PLAC1: variants seen among roughly 807,000 people sequenced by gnomAD.
The protein encoded by PLAC1 is placenta-specific protein 1.
For synonymous variants in PLAC1, 68 were observed against 62.1 expected, an observed-to-expected ratio of 1.09 and a Z score of -0.44; for missense variants, 136 against 163.2, an observed-to-expected ratio of 0.83 and a Z score of 0.91.
intron 1 of PLAC1, among the ~76,000 whole-genome samples, chrX:134,622,090 A>T (rs1207883178): frequency 1.8e-5 from 2 of 112,294 alleles, no homozygotes; most frequent in Non-Finnish European, 3.8e-5. Context: ...CCCTCCAGTC[A>T]GGGAAGGCAT....
intron 1 of PLAC1, among the ~76,000 whole-genome samples, chrX:134,639,060 G>T (rs2078296413): frequency 9.0e-6 from 1 of 111,517 alleles, no homozygotes; most frequent in African/African-American, 3.3e-5. Flanking sequence ...GCCTGTGTTA[G>T]TTCACTTAGG....
intron 1 of PLAC1, among the ~76,000 whole-genome samples, chrX:134,603,234 A>G (rs1478866230): frequency 4.1e-5 from 3 of 72,638 alleles, no homozygotes; most frequent in African/African-American, 1.5e-4. Flanking sequence ...AGTGGGGCAG[A>G]GAACTGTTGT....
intron 2 of PLAC1, among the ~76,000 whole-genome samples, chrX:134,691,113 T>C (rs1201144355): frequency 6.2e-4 from 37 of 59,746 alleles, no homozygotes; most frequent in Non-Finnish European, 1.7e-3. Context: ...TGTTTCTTTT[T>C]TCTTTTTTTT....
intron 1 of PLAC1, among the ~76,000 whole-genome samples, chrX:134,640,683 G>T (rs2078303614): frequency 8.9e-6 from 1 of 111,919 alleles, no homozygotes; most frequent in Non-Finnish European, 1.9e-5. Flanking sequence ...TTCCAAATGT[G>T]GACACTGTGT....
At chrX:134,570,294 G>A (rs983858437) in intron 2 of PLAC1, among the ~76,000 whole-genome samples, 11 of 111,541 alleles carry the variant, frequency 9.9e-5, no homozygotes, top group Non-Finnish European at 1.5e-4. Context: ...AGGCTGAGGG[G>A]TTAGAGATGG....
chrX:134,620,047 A>C (rs1265276146), intron 1 of PLAC1, among the ~76,000 whole-genome samples: 1 of 112,241 alleles, frequency 8.9e-6, no homozygotes, highest in Non-Finnish European at 1.9e-5. Context: ...AGACTATATG[A>C]CTTTATTAAA....
At chrX:134,732,724 G>A (rs1478442291) in intron 2 of PLAC1, among the ~76,000 whole-genome samples, 2 of 112,294 alleles carry the variant, frequency 1.8e-5, no homozygotes, top group Non-Finnish European at 3.8e-5. Context: ...AGCCTCCTGA[G>A]TCAGGAACGG....
chrX:134,572,798 C>T (rs2077915964), intron 2 of PLAC1, among the ~76,000 whole-genome samples: 1 of 110,235 alleles, frequency 9.1e-6, no homozygotes, highest in South Asian at 4.0e-4. Context: ...TCAAAATTAT[C>T]TCGGGGGAAA....
chrX:134,663,762 T>C lies in PLAC1; in HGVS notation n.175-61640A>G, dbSNP rs183399570. On this transcript the variant is annotated intron_variant and non_coding_transcript_variant, in intron 2 of 2. Coordinates refer to the PLAC1 transcript ENST00000466797. ...AGGAAAAGATAACATTTCACTTTGGTGACAAATTTGTTGATTTTACAGATA... is the reference window on the plus strand; with the variant it reads ...AGGAAAAGATAACATTTCACTTTGGCGACAAATTTGTTGATTTTACAGATA... Among the ~76,000 whole-genome samples the C allele has an allele frequency of 1.1e-4, 12 of 112,595 alleles. No homozygotes were observed. The East Asian group carries it at 3.1e-3, about 29-fold the overall frequency.
At chrX:134,752,171 C>T (rs756052503) in intron 1 of PLAC1, among the ~76,000 whole-genome samples, 1 of 112,376 alleles carries the variant, frequency 8.9e-6, no homozygotes, top group South Asian at 3.7e-4. Flanking sequence ...AATTCTGCTA[C>T]AGTCTTTTCT....
intron 1 of PLAC1, among the ~76,000 whole-genome samples, chrX:134,636,010 T>C (rs1394568265): frequency 1.8e-5 from 2 of 112,342 alleles, no homozygotes; most frequent in Non-Finnish European, 3.8e-5. Flanking sequence ...GTGCCTTCGA[T>C]AATGACACTA....
At chrX:134,620,959 A>T (rs2078207502) in intron 1 of PLAC1, among the ~76,000 whole-genome samples, 1 of 111,818 alleles carries the variant, frequency 8.9e-6, no homozygotes, top group African/African-American at 3.3e-5. Flanking sequence ...AATCAGAAAC[A>T]GGCTTAGAAA....
chrX:134,566,106 G>T lies in PLAC1; in HGVS notation c.577C>A (p.His193Asn), dbSNP rs1226046604. The stretch of plus-strand genomic sequence containing the variant: ...CAATCCTCAGAAATATCAAGAAAGT[G>T]AGATGGCTGCAGAGGTTGAGCCTCC... ...AQEAQPLQPS[H>N]FLDISEDWSL... Residue 193 changes from histidine to asparagine, a missense_variant, in exon 3 of 3, where the codon CAC (histidine) becomes AAC (asparagine). Coordinates refer to ENST00000359237, the MANE Select transcript of PLAC1 (RefSeq NM_021796.4). 1 of 1,209,346 alleles carries T rather than the reference G, an allele frequency of 8.3e-7. No homozygotes were observed.
At chrX:134,595,847 A>C (rs372026034) in intron 2 of PLAC1, among the ~76,000 whole-genome samples, 13 of 110,126 alleles carry the variant, frequency 1.2e-4, no homozygotes, top group African/African-American at 4.3e-4. Flanking sequence ...TGGTGTATTT[A>C]GACCTTATAT....
At chrX:134,589,509 T>C (rs1214082590) in intron 2 of PLAC1, among the ~76,000 whole-genome samples, 2 of 109,341 alleles carry the variant, frequency 1.8e-5, no homozygotes, top group East Asian at 2.9e-4. Context: ...AGTGGATCAC[T>C]TGAGGTCACG....
chrX:134,645,531 T>C (rs920598292), intron 1 of PLAC1, among the ~76,000 whole-genome samples: 8 of 111,481 alleles, frequency 7.2e-5, no homozygotes, highest in Non-Finnish European at 1.1e-4. Context: ...TTCTCTTCCT[T>C]TTGTTTGGCT....
intron 2 of PLAC1, among the ~76,000 whole-genome samples, chrX:134,584,320 G>T (rs1397187348): frequency 2.7e-5 from 3 of 111,964 alleles, no homozygotes; most frequent in South Asian, 7.5e-4. Flanking sequence ...CCAGCAAGGG[G>T]TATCCAGATA....
chrX:134,606,588 C>T (rs1444237595), intron 1 of PLAC1, among the ~76,000 whole-genome samples: 1 of 111,754 alleles, frequency 8.9e-6, no homozygotes, highest in Non-Finnish European at 1.9e-5. Context: ...TGTAAATTAG[C>T]ACAACTTAAG....
intron 1 of PLAC1, among the ~76,000 whole-genome samples, chrX:134,749,364 G>A (rs1473419930): frequency 8.9e-6 from 1 of 111,763 alleles, no homozygotes; most frequent in Non-Finnish European, 1.9e-5. Flanking sequence ...GCACGGTGAC[G>A]TTTGCCTGTA....
Sources: gnomAD v4.1 joint callset for allele counts (sites outside exome capture counted in the v4.1 genomes callset) on GRCh38, gnomAD v4.1.1 for gene constraint, MANE v1.5 for transcripts, NCBI Gene and HGNC (gene_info 2026-07-23, HGNC 2026-07-21) for gene names.